Variants in NCAM2 observed in about 807,000 individuals in gnomAD.
NCAM2 encodes the protein N-CAM-2.
Under a neutral mutation model 98.1 loss-of-function variants are expected in NCAM2, and 30 were observed. The observed-to-expected ratio is 0.31, with a 90% CI of 0.23 to 0.41. NCAM2 has a LOEUF of 0.41. Ranked by LOEUF, NCAM2 falls within the 10% of genes least tolerant of loss-of-function variation. The pLI is 1.00. For missense variants in NCAM2, 867 were observed against 1,005.8 expected (o/e 0.86, Z 1.87); for synonymous variants, 368 against 342.4 (o/e 1.07, Z -0.83).
At chr21:21,304,071 A>T (rs564386143) in intron 5 of NCAM2, among the ~76,000 whole-genome samples, 1 of 152,144 alleles carries the variant, frequency 6.6e-6, no homozygotes, top group Non-Finnish European at 1.5e-5. Flanking sequence ...TTGTTTTTCT[A>T]TTTTTTAACC....
chr21:21,108,595 A>G (rs751399288), intron 1 of NCAM2, among the ~76,000 whole-genome samples: 1 of 152,140 alleles, frequency 6.6e-6, no homozygotes, highest in Non-Finnish European at 1.5e-5. Flanking sequence ...CTATAATTTG[A>G]AAATCCTACA....
At chr21:21,406,463 C>G (rs2076740307) in intron 9 of NCAM2, among the ~76,000 whole-genome samples, 1 of 152,170 alleles carries the variant, frequency 6.6e-6, no homozygotes, top group South Asian at 2.1e-4. Flanking sequence ...TTCTTTGCTA[C>G]TGGCAAGCCA....
At chr21:21,303,829 T>A (rs1196154930) in intron 5 of NCAM2, among the ~76,000 whole-genome samples, 1 of 152,130 alleles carries the variant, frequency 6.6e-6, no homozygotes, top group Non-Finnish European at 1.5e-5. Context: ...ACATGTTTAG[T>A]GGTTTCATGT....
intron 1 of NCAM2, among the ~76,000 whole-genome samples, chr21:21,058,700 ACATTGACC>A (rs1306827061): frequency 6.7e-6 from 1 of 149,048 alleles, no homozygotes; most frequent in Non-Finnish European, 1.5e-5. Context: ...TTGTACTTCT[ACATTGACC>A]CATTGAGTCA....
intron 1 of NCAM2, among the ~76,000 whole-genome samples, chr21:21,220,754 TCTGATTCAAA>T (rs2070114411): frequency 6.6e-6 from 1 of 152,200 alleles, no homozygotes; most frequent in South Asian, 2.1e-4. Flanking sequence ...GAATGTAAAT[TCTGATTCAAA>T]CTGGGGTGGG....
chr21:21,260,695 A>G (rs1184084855), intron 1 of NCAM2, among the ~76,000 whole-genome samples: 1 of 152,172 alleles, frequency 6.6e-6, no homozygotes, highest in Non-Finnish European at 1.5e-5. Context: ...ACTACAAGAA[A>G]TGCTCAAAGG....
In NCAM2 at chr21:20,998,488, C is replaced by G; in HGVS notation, c.-76C>G. 1 of 1,476,058 alleles carries G rather than the reference C, an allele frequency of 6.8e-7. No individual in the cohort carries two copies. The highest frequency in any genetic ancestry group is 9.3e-7 in the Non-Finnish European group (1 of 1,075,940). 91.4% of individuals were successfully genotyped at this position (1,476,058 alleles called of 1,614,324 possible). On this transcript the variant is annotated 5_prime_UTR_variant, in exon 1 of 18. Coordinates refer to ENST00000400546, the MANE Select transcript of NCAM2 (RefSeq NM_004540.5). ...CGGCGGCGGCTCTAGCAGAGGCGGC[C>G]GGGGCAGCGAAAGGTTCTCTCTCCA...
chr21:21,141,905 T>C (rs2067175190), intron 1 of NCAM2, among the ~76,000 whole-genome samples: 1 of 152,186 alleles, frequency 6.6e-6, no homozygotes, highest in Non-Finnish European at 1.5e-5. Flanking sequence ...TAGTACTGTA[T>C]TGATCTTTGC....
chr21:21,262,164 T>A (rs1446323483), intron 1 of NCAM2, among the ~76,000 whole-genome samples: 1 of 151,974 alleles, frequency 6.6e-6, no homozygotes, highest in Non-Finnish European at 1.5e-5. Flanking sequence ...CAGGAAGAAG[T>A]AGAAACTCTG....
intron 1 of NCAM2, among the ~76,000 whole-genome samples, chr21:21,241,630 A>G (rs929340493): frequency 1.3e-5 from 2 of 152,034 alleles, no homozygotes; most frequent in East Asian, 1.9e-4. Flanking sequence ...AACCTTGCCA[A>G]CTCCATTCAT....
At chr21:21,093,812 TCTAGGCTCTAAATTA>T (rs764996468) in intron 1 of NCAM2, among the ~76,000 whole-genome samples, 4 of 152,000 alleles carry the variant, frequency 2.6e-5, no homozygotes, top group Non-Finnish European at 4.4e-5. Context: ...GACATTGGAG[TCTAGGCTCTAAATTA>T]CTGCCCTTTT....
At chr21:21,524,938 G>T (rs183214785) in intron 16 of NCAM2, among the ~76,000 whole-genome samples, 70 of 152,086 alleles carry the variant, frequency 4.6e-4, no homozygotes, top group African/African-American at 1.6e-3. Context: ...AATCTCAAAA[G>T]AAATTTTTAA....
At chr21:21,529,069 G>A (rs1033255268) in intron 16 of NCAM2, among the ~76,000 whole-genome samples, 6 of 151,966 alleles carry the variant, frequency 3.9e-5, no homozygotes, top group African/African-American at 1.2e-4. Context: ...AAAATATCAT[G>A]GTTGATTCAT....
chr21:21,538,062 G>A lies in NCAM2; in HGVS notation c.*105G>A, dbSNP rs1319631255. The stretch of plus-strand genomic sequence containing the variant: ...ACCTTAATTTCTTGGGAAACTTCTA[G>A]CTTGGAATAGCTTGTACACATATAC... On this transcript the variant is annotated 3_prime_UTR_variant, in exon 18 of 18. Transcript: ENST00000400546. 1.8e-6 allele frequency: 1 copy of A among 550,242 alleles called. No homozygotes were observed. Among genetic ancestry groups the A allele is most frequent in the Non-Finnish European group, 3.2e-6 (1 of 316,598 alleles). The allele number at this position is 550,242 out of a possible 1,614,324, so 34.1% of individuals were successfully genotyped here.
chr21:21,033,249 G>A (rs561239092), intron 1 of NCAM2, among the ~76,000 whole-genome samples: 3 of 152,160 alleles, frequency 2.0e-5, no homozygotes, highest in Admixed American at 1.3e-4. Flanking sequence ...GCACCTGGCC[G>A]GTTTCTTGGT....
At chr21:21,071,974 G>A (rs886797918) in intron 1 of NCAM2, among the ~76,000 whole-genome samples, 5 of 151,648 alleles carry the variant, frequency 3.3e-5, no homozygotes, top group African/African-American at 7.3e-5. Flanking sequence ...GTGCAGTGGC[G>A]CGATCTCGGC....
intron 8 of NCAM2, among the ~76,000 whole-genome samples, chr21:21,362,404 T>C (rs2147998661): frequency 6.6e-6 from 1 of 152,162 alleles, no homozygotes; most frequent in East Asian, 1.9e-4. Flanking sequence ...TTTTTTTTTT[T>C]TTAAACCTGA....
intron 1 of NCAM2, among the ~76,000 whole-genome samples, chr21:21,068,127 T>A (rs2065478496): frequency 8.5e-6 from 1 of 117,046 alleles, no homozygotes; most frequent in African/African-American, 3.8e-5. Flanking sequence ...AAATAATGAC[T>A]TTTTTTTCTT....
chr21:21,310,901 G>A (rs1314640807), intron 5 of NCAM2, among the ~76,000 whole-genome samples: 1 of 152,080 alleles, frequency 6.6e-6, no homozygotes, highest in Non-Finnish European at 1.5e-5. Flanking sequence ...TTTCCAGAGT[G>A]CCATATTAGC....
Sources: allele counts gnomAD v4.1 joint callset (sites outside exome capture counted in the v4.1 genomes callset), GRCh38; gene constraint gnomAD v4.1.1; transcripts MANE v1.5; gene names NCBI Gene and HGNC (gene_info 2026-07-23, HGNC 2026-07-21).